The following MDGA2 variants were observed in gnomAD, a reference collection of about 807,000 sequenced individuals.
MDGA2 encodes MAM domain containing glycosylphosphatidylinositol anchor 2.
A neutral mutation model predicts 117.8 loss-of-function variants in MDGA2; 40 were observed. That is an observed-to-expected ratio of 0.34 (90% confidence interval 0.26 to 0.44). The LOEUF (loss-of-function observed/expected upper bound fraction) is 0.44, where lower values mean the gene tolerates loss of function less well. Ranked by LOEUF, MDGA2 falls within the 20% of genes least tolerant of loss-of-function variation. The probability of loss-of-function intolerance (pLI) is 1.00; values close to 1 mark genes in which losing one functional copy is unlikely to be tolerated. For missense variants in MDGA2, 1,123 were observed against 1,250.6 expected, an observed-to-expected ratio of 0.90 and a Z score of 1.54; for synonymous variants, 452 against 439.0, an observed-to-expected ratio of 1.03 and a Z score of -0.37.
chr14:47,619,949 C>G (rs1317682378), intron 1 of MDGA2, among the ~76,000 whole-genome samples: 1 of 152,214 alleles, frequency 6.6e-6, no homozygotes, highest in East Asian at 1.9e-4. Flanking sequence ...ACACAGCCAT[C>G]CACTTGATTC....
chr14:47,313,372 A>G (rs1036006303), intron 1 of MDGA2, among the ~76,000 whole-genome samples: 3 of 152,168 alleles, frequency 2.0e-5, no homozygotes, highest in Non-Finnish European at 4.4e-5. Flanking sequence ...TCCCAGGCTC[A>G]AGCAATCCTC....
intron 8 of MDGA2, among the ~76,000 whole-genome samples, chr14:47,026,794 T>G (rs2138611632): frequency 6.6e-6 from 1 of 152,202 alleles, no homozygotes; most frequent in Non-Finnish European, 1.5e-5. Flanking sequence ...TTCATTTTTC[T>G]TAGAAGAAAC....
At chr14:47,598,738 G>C (rs1227106513) in intron 1 of MDGA2, among the ~76,000 whole-genome samples, 1 of 152,104 alleles carries the variant, frequency 6.6e-6, no homozygotes, top group East Asian at 1.9e-4. Flanking sequence ...GAAAAGATTT[G>C]GGTATAGATA....
At chr14:47,177,893 G>A (rs140756343) in intron 3 of MDGA2, among the ~76,000 whole-genome samples, 4 of 152,008 alleles carry the variant, frequency 2.6e-5, no homozygotes, top group Admixed American at 2.6e-4. Context: ...TAAACCTGCT[G>A]TACTAGTTTT....
intron 9 of MDGA2, among the ~76,000 whole-genome samples, chr14:46,942,238 T>C (rs1000724921): frequency 6.6e-6 from 1 of 152,098 alleles, no homozygotes; most frequent in East Asian, 1.9e-4. Context: ...TGAGGAAAAA[T>C]TAATTTTGCT....
chr14:47,157,401 C>T (rs79849564), intron 3 of MDGA2, among the ~76,000 whole-genome samples: 20,457 of 152,088 alleles, frequency 0.13, 1,777 homozygotes, highest in East Asian at 0.39. Flanking sequence ...TATGCAACTA[C>T]ATGTTTTATA....
In MDGA2 at chr14:47,361,207, CTATA is replaced by C. The variant is rs1226702812; in HGVS notation, c.281-59661_281-59658del. 4.1e-3 allele frequency among the ~76,000 whole-genome samples: 581 copies of C among 140,510 alleles called. 1 individual carries two copies. Among genetic ancestry groups the C allele is most frequent in the African/African-American group, 0.013 (476 of 36,812 alleles). The allele number at this position is 140,510 out of a possible 152,430, so 92.2% of individuals were successfully genotyped here. ...TTGTACTCTCTCTCTCTCTCTCTCT[CTATA>C]TATATATATATATATATGGCAGTAG... is the stretch of plus-strand genomic sequence containing the variant. On this transcript the variant is annotated intron_variant, in intron 1 of 16. Transcript: ENST00000399232.
At chr14:47,065,776 T>G (rs1022218310) in intron 6 of MDGA2, among the ~76,000 whole-genome samples, 5 of 152,160 alleles carry the variant, frequency 3.3e-5, no homozygotes, top group African/African-American at 1.2e-4. Flanking sequence ...TAGCTTCTGT[T>G]AAGTATCTAT....
intron 1 of MDGA2, among the ~76,000 whole-genome samples, chr14:47,573,864 G>A (rs974852401): frequency 1.3e-5 from 2 of 151,972 alleles, no homozygotes; most frequent in Non-Finnish European, 2.9e-5. Flanking sequence ...GAATGCTGCT[G>A]TTTTCAGAAA....
At chr14:47,429,568 C>A (rs1474557947) in intron 1 of MDGA2, among the ~76,000 whole-genome samples, 1 of 152,218 alleles carries the variant, frequency 6.6e-6, no homozygotes, top group East Asian at 1.9e-4. Flanking sequence ...TGCATTGTGA[C>A]TTATCAAATG....
intron 1 of MDGA2, among the ~76,000 whole-genome samples, chr14:47,337,163 T>C (rs1017328572): frequency 1.3e-5 from 2 of 152,110 alleles, no homozygotes; most frequent in African/African-American, 4.8e-5. Flanking sequence ...ACCGTTTTTA[T>C]ATAAACTGTA....
rs537795023 is a variant in MDGA2 at position 47,144,120 on chromosome 14, T to G, written c.750A>C (p.Gly250=). 4.6e-5 allele frequency: 72 copies of G among 1,551,080 alleles called. No individual in the cohort carries two copies. The East Asian group carries it at 1.5e-3, about 33-fold the overall frequency. The change falls in exon 4 of 17, where the codon GGA becomes GGC. Residue 250 remains glycine (G), a synonymous_variant. Transcript: ENST00000399232. ...CATAAATCTCAACTCCTTTATCAGA[T>G]CCTTGCAGCAAGACCTCCTGGCCAC... ...WRRGQEVLLQ[G]SDKGVEIYEP...
In MDGA2 at chr14:47,326,150, C is replaced by CA. The variant is rs1890136943; in HGVS notation, c.281-24601dup. Among the ~76,000 whole-genome samples, 4 of 151,994 alleles carry CA rather than the reference C, an allele frequency of 2.6e-5. No homozygotes were observed. In the South Asian group the frequency reaches 6.2e-4, roughly 24 times the overall value. ...AATTACCTACTTCAGTGAATGGTACCAAAAAAATCACACACTGTCACATCC... is the reference window on the plus strand; with the variant it reads ...AATTACCTACTTCAGTGAATGGTACCAAAAAAAATCACACACTGTCACATCC... On this transcript the variant is annotated intron_variant, in intron 1 of 16. Coordinates refer to ENST00000399232, the MANE Select transcript of MDGA2 (RefSeq NM_001113498.3).
At chr14:47,619,707 A>C (rs1897015454) in intron 1 of MDGA2, among the ~76,000 whole-genome samples, 1 of 152,194 alleles carries the variant, frequency 6.6e-6, no homozygotes, top group Admixed American at 6.5e-5. Flanking sequence ...GCTCTTTTTG[A>C]TTCTGGTACT....
chr14:47,476,418 G>A (rs1893838970), intron 1 of MDGA2, among the ~76,000 whole-genome samples: 1 of 151,744 alleles, frequency 6.6e-6, no homozygotes, highest in African/African-American at 2.4e-5. Context: ...GACAAAATAA[G>A]TGCTTACTGA....
At chr14:47,398,682 G>C (rs1310454970) in intron 1 of MDGA2, among the ~76,000 whole-genome samples, 2 of 152,072 alleles carry the variant, frequency 1.3e-5, no homozygotes, top group Admixed American at 1.3e-4. Flanking sequence ...CTGTGGTGCT[G>C]TATTTCATGC....
chr14:47,506,248 C>T (rs1291234875), intron 1 of MDGA2, among the ~76,000 whole-genome samples: 1 of 151,950 alleles, frequency 6.6e-6, no homozygotes, highest in Non-Finnish European at 1.5e-5. Flanking sequence ...CTAAGGCTGA[C>T]ACATAAGATA....
chr14:47,208,733 T>C (rs1294734720), intron 3 of MDGA2, among the ~76,000 whole-genome samples: 3 of 151,890 alleles, frequency 2.0e-5, no homozygotes, highest in Non-Finnish European at 2.9e-5. Context: ...ACCTAGACAA[T>C]GGACTGTGTT....
Position 47,423,247 on chromosome 14 carries a change from G to C in MDGA2, c.281-121697C>G, listed in dbSNP as rs145297841. 7.9e-3 allele frequency among the ~76,000 whole-genome samples: 1,195 copies of C among 152,192 alleles called. 13 individuals are homozygous for C. The highest frequency in any genetic ancestry group is 0.044 in the Middle Eastern group (13 of 294). Reference sequence around the variant, plus strand: ...TATTGGTCATAAAAATAATTAAAAAGTCAAAAGCATTTGCAAAATGTTTTA... The same window carrying C: ...TATTGGTCATAAAAATAATTAAAAACTCAAAAGCATTTGCAAAATGTTTTA... On this transcript the variant is annotated intron_variant, in intron 1 of 16. Coordinates refer to ENST00000399232, the MANE Select transcript of MDGA2 (RefSeq NM_001113498.3).
Sources: allele counts gnomAD v4.1 joint callset (sites outside exome capture counted in the v4.1 genomes callset), GRCh38; gene constraint gnomAD v4.1.1; transcripts MANE v1.5; gene names NCBI Gene and HGNC (gene_info 2026-07-23, HGNC 2026-07-21).